The following AMELY variants were observed in gnomAD, a reference collection of about 807,000 sequenced individuals.
The protein encoded by AMELY is amelogenin Y-linked.
A neutral mutation model predicts 4.2 loss-of-function variants in AMELY; 4 were observed. The ratio of observed to expected loss-of-function variants is 0.96; its 90% CI spans 0.47 to 2.19. The LOEUF (loss-of-function observed/expected upper bound fraction) is 2.19. AMELY is among the 30% of genes most tolerant of loss of function. The probability of loss-of-function intolerance (pLI) is 0.02; values close to 1 mark genes in which losing one functional copy is unlikely to be tolerated. For missense variants in AMELY, 32 were observed against 41.5 expected (o/e 0.77, Z 0.63); for synonymous variants, 11 against 14.7 (o/e 0.75, Z 0.57).
At chrY:6,898,339 C>G (rs746575274) in intron 1 of AMELY, among the ~76,000 whole-genome samples, 1 of 33,635 alleles carries the variant, frequency 3.0e-5, no homozygotes, top group East Asian at 8.0e-4. Flanking sequence ...GGCTGAGAAG[C>G]CTATGATCTG....
intron 6 of AMELY, among the ~76,000 whole-genome samples, 179 bp from the exon 7 acceptor site, chrY:6,866,257 C>G: frequency 6.0e-5 from 2 of 33,305 alleles, no homozygotes; most frequent in East Asian, 7.7e-4. Context: ...GTCCATGAAG[C>G]CTTCTTCTAC....
chrY:6,892,342 G>A (rs2054083510), intron 1 of AMELY, among the ~76,000 whole-genome samples: 4 of 33,684 alleles, frequency 1.2e-4, no homozygotes, highest in African/African-American at 4.6e-4. Flanking sequence ...CCTGACTCCA[G>A]AATCTTCATA....
At chrY:6,866,622 TTCAA>T (rs2054062027) in intron 6 of AMELY, among the ~76,000 whole-genome samples, 1 of 29,673 alleles carries the variant, frequency 3.4e-5, no homozygotes, top group Admixed American at 3.3e-4. Context: ...TTACTTGGGA[TTCAA>T]TCAATTTCCT....
chrY:6,896,078 C>T (rs966830687), intron 1 of AMELY, among the ~76,000 whole-genome samples: 3 of 33,352 alleles, frequency 9.0e-5, no homozygotes, highest in Admixed American at 5.6e-4. Context: ...TATAGGAATG[C>T]TTGTGATTTT....
intron 1 of AMELY, among the ~76,000 whole-genome samples, chrY:6,905,912 C>T (rs967968351): frequency 3.0e-5 from 1 of 32,967 alleles, no homozygotes; most frequent in Non-Finnish European, 7.4e-5. Flanking sequence ...TGTTTATATG[C>T]GATATGGTTT....
intron 3 of AMELY, 21 bp downstream of exon 3, chrY:6,872,534 T>C (rs745754188): frequency 2.6e-6 from 1 of 392,153 alleles, no homozygotes; most frequent in Non-Finnish European, 3.6e-6. Flanking sequence ...ACACAACTTA[T>C]GCAAAGAATG....
chrY:6,902,099 G>C (rs2054089772), intron 1 of AMELY, among the ~76,000 whole-genome samples: 1 of 32,952 alleles, frequency 3.0e-5, no homozygotes, highest in Non-Finnish European at 7.5e-5. Flanking sequence ...ATTATCCTTC[G>C]TACGACTGGA....
chrY:6,866,951 C>T, intron 6 of AMELY, among the ~76,000 whole-genome samples: 1 of 32,385 alleles, frequency 3.1e-5, no homozygotes, highest in Non-Finnish European at 7.5e-5. Context: ...CCACCCCACC[C>T]AGCCTCAATC....
chrY:6,871,996 A>C (rs758165818), intron 3 of AMELY, among the ~76,000 whole-genome samples: 167 of 30,483 alleles, frequency 5.5e-3, no homozygotes, highest in Middle Eastern at 0.029. Flanking sequence ...ACAACAACAA[A>C]AAAACCTACA....
In AMELY at chrY:6,883,268, A is replaced by G. The variant is rs371459110; in HGVS notation, c.-112-9197T>C. Among the ~76,000 whole-genome samples the G allele has an allele frequency of 0.013, 451 of 33,476 alleles. No individual in the cohort carries two copies. The Middle Eastern group carries it at 0.27, about 20-fold the overall frequency. 89.8% of individuals were successfully genotyped at this position (33,476 alleles called of 37,273 possible). On this transcript the variant is annotated intron_variant, in intron 1 of 6. Coordinates refer to ENST00000651267, the MANE Select transcript of AMELY (RefSeq NM_001143.2). ...TGCCATGGAATACCATGCAGTTATA[A>G]AAAGTGGTGAGTTCATGTCCTTGGC...
intron 1 of AMELY, among the ~76,000 whole-genome samples, chrY:6,900,286 G>C (rs984291663): frequency 6.0e-5 from 2 of 33,476 alleles, no homozygotes; most frequent in Admixed American, 5.5e-4. Flanking sequence ...AGGCGGGCAA[G>C]GAGGTCGACC....
chrY:6,883,653 C>T (rs2054076763), intron 1 of AMELY, among the ~76,000 whole-genome samples: 2 of 33,330 alleles, frequency 6.0e-5, no homozygotes, highest in African/African-American at 2.3e-4. Context: ...ACTGATGGCT[C>T]TTTTAAAGAT....
chrY:6,897,106 T>C, intron 1 of AMELY, among the ~76,000 whole-genome samples: 1 of 33,606 alleles, frequency 3.0e-5, no homozygotes, highest in African/African-American at 1.2e-4. Context: ...AATTTCCTTG[T>C]TGGGTCAAGT....
chrY:6,870,500 C>A, intron 3 of AMELY, among the ~76,000 whole-genome samples: 2 of 33,972 alleles, frequency 5.9e-5, no homozygotes, highest in Non-Finnish European at 1.5e-4. Context: ...GAAATATCAA[C>A]AAGCAGTTGT....
At chrY:6,911,317 T>C (rs2011691116) in intron 1 of AMELY, among the ~76,000 whole-genome samples, 1 of 34,419 alleles carries the variant, frequency 2.9e-5, no homozygotes, top group Non-Finnish European at 7.3e-5. Context: ...TGCCCCTTTG[T>C]TTGCCGCTCT....
At chrY:6,901,603 T>C in intron 1 of AMELY, among the ~76,000 whole-genome samples, 2 of 33,189 alleles carry the variant, frequency 6.0e-5, no homozygotes, top group Non-Finnish European at 1.5e-4. Flanking sequence ...GCCTGGGAGA[T>C]TGGTTGTATT....
intron 6 of AMELY, 41 bp from the exon 7 acceptor site, chrY:6,866,119 G>A: frequency 4.6e-6 from 1 of 215,311 alleles, no homozygotes; most frequent in Non-Finnish European, 6.9e-6. Flanking sequence ...TAATTTAATT[G>A]TTTCCAGTGA....
chrY:6,879,373 GTTGT>G (rs2054073709), intron 1 of AMELY, among the ~76,000 whole-genome samples: 1 of 33,673 alleles, frequency 3.0e-5, no homozygotes, highest in South Asian at 6.6e-4. Context: ...TTTTGATGGG[GTTGT>G]TTGTTTTCTT....
intron 1 of AMELY, among the ~76,000 whole-genome samples, chrY:6,911,410 C>A: frequency 2.9e-5 from 1 of 34,553 alleles, no homozygotes; most frequent in African/African-American, 1.1e-4. Flanking sequence ...GGAGGGGAGT[C>A]CCTTTCATCC....
Sources: gnomAD v4.1 joint callset for allele counts (sites outside exome capture counted in the v4.1 genomes callset) on GRCh38, gnomAD v4.1.1 for gene constraint, MANE v1.5 for transcripts, NCBI Gene and HGNC (gene_info 2026-07-23, HGNC 2026-07-21) for gene names.